The following GPR158 variants were observed in gnomAD, a reference collection of about 807,000 sequenced individuals.
GPR158 encodes the protein metabotropic glycine receptor.
In GPR158, 30 loss-of-function variants were observed where a neutral mutation model predicts 78.2. That is an observed-to-expected ratio of 0.38 (90% CI 0.29 to 0.52). GPR158 has a LOEUF of 0.52. Among genes scored for constraint, GPR158 ranks in the 20% least tolerant of loss-of-function variants. The pLI, the probability that GPR158 is intolerant of heterozygous loss-of-function variation, is 0.83. For synonymous variants in GPR158, 581 were observed against 591.1 expected (o/e 0.98, Z 0.25); for missense variants, 1,463 against 1,523.5 (o/e 0.96, Z 0.66).
chr10:25,527,536 G>A (rs1439801842), intron 5 of GPR158, among the ~76,000 whole-genome samples: 1 of 152,114 alleles, frequency 6.6e-6, no homozygotes, highest in African/African-American at 2.4e-5. Context: ...CAAATGGAAT[G>A]ATAGTGAAAA....
intron 1 of GPR158, among the ~76,000 whole-genome samples, chr10:25,200,863 G>GTT (rs1209435056): frequency 1.7e-4 from 14 of 84,488 alleles, no homozygotes; most frequent in South Asian, 9.1e-4. Context: ...TCTGTTTTTT[G>GTT]TTTTGTTTTT....
At chr10:25,553,982 G>A (rs1393159490) in intron 6 of GPR158, among the ~76,000 whole-genome samples, 1 of 152,046 alleles carries the variant, frequency 6.6e-6, no homozygotes, top group East Asian at 1.9e-4. Flanking sequence ...TTTTTTGGTT[G>A]CAAACAAAAT....
chr10:25,218,969 T>C (rs1309720941), intron 1 of GPR158, among the ~76,000 whole-genome samples: 1 of 152,190 alleles, frequency 6.6e-6, no homozygotes, highest in African/African-American at 2.4e-5. Context: ...TACTGATGCC[T>C]TTCAAAAACC....
Position 25,309,913 on chromosome 10 carries a change from T to C in GPR158, c.1009-85998T>C, listed in dbSNP as rs1854739270. On this transcript the variant is annotated intron_variant, in intron 2 of 10. Transcript: ENST00000376351. ...CTTCTTTTCTGTATAAATTACCCCA[T>C]CTTGAGTATGTCTTTATTCACAGTG... 2.0e-5 allele frequency among the ~76,000 whole-genome samples: 3 copies of C among 152,156 alleles called. No individual in the cohort carries two copies. In the South Asian group the frequency reaches 6.2e-4, roughly 32 times the overall value.
At chr10:25,446,065 G>A (rs1163144796) in intron 4 of GPR158, among the ~76,000 whole-genome samples, 1 of 152,098 alleles carries the variant, frequency 6.6e-6, no homozygotes, top group Non-Finnish European at 1.5e-5. Flanking sequence ...ATATGAAGAA[G>A]AGAGGCAGAC....
chr10:25,437,347 T>G (rs2130584298), intron 4 of GPR158, among the ~76,000 whole-genome samples: 1 of 152,120 alleles, frequency 6.6e-6, no homozygotes, highest in East Asian at 1.9e-4. Context: ...CACCCCAACC[T>G]CCTGAGTAGC....
intron 4 of GPR158, among the ~76,000 whole-genome samples, chr10:25,435,491 G>T (rs530210507): frequency 6.6e-6 from 1 of 152,238 alleles, no homozygotes; most frequent in East Asian, 1.9e-4. Flanking sequence ...GTCTATGAAG[G>T]CACCCAAGTG....
At chr10:25,268,826 A>G (rs1854077962) in intron 2 of GPR158, among the ~76,000 whole-genome samples, 1 of 152,186 alleles carries the variant, frequency 6.6e-6, no homozygotes, top group Non-Finnish European at 1.5e-5. Context: ...GCTATCCAGC[A>G]AATTCTTTTC....
intron 5 of GPR158, among the ~76,000 whole-genome samples, chr10:25,494,884 C>G (rs1835857120): frequency 1.3e-5 from 2 of 152,188 alleles, no homozygotes; most frequent in Admixed American, 1.3e-4. Flanking sequence ...TTTTATTTGT[C>G]ATTTATTCAT....
intron 6 of GPR158, among the ~76,000 whole-genome samples, chr10:25,571,992 A>G (rs1471938202): frequency 6.6e-6 from 1 of 152,194 alleles, no homozygotes; most frequent in Non-Finnish European, 1.5e-5. Flanking sequence ...GTAATATGAA[A>G]TGATTTTCAG....
rs1564399803 is a variant in GPR158 at position 25,241,377 on chromosome 10, T to TTCTCTTTTCTTTTC, written c.1008+20226_1008+20227insTTCTTTTCTCTCTT. The stretch of plus-strand genomic sequence containing the variant: ...TTTCTTTTCTCTTTTCTTTTCTCTC[T>TTCTCTTTTCTTTTC]TCTCTTCTCTTCTCTTCTCTTCTCT... On this transcript the variant is annotated intron_variant, in intron 2 of 10. Transcript: ENST00000376351. Among the ~76,000 whole-genome samples the TTCTCTTTTCTTTTC allele has an allele frequency of 4.3e-4, 42 of 97,060 alleles. 2 individuals carry two copies. The highest frequency in any genetic ancestry group is 1.9e-3 in the African/African-American group (40 of 21,500). 63.7% of individuals were successfully genotyped at this position (97,060 alleles called of 152,430 possible). A position where few individuals can be genotyped will look rare whatever the true frequency, so the allele number is the denominator to read the frequency against.
chr10:25,432,145 C>G (rs1309355624), intron 4 of GPR158, among the ~76,000 whole-genome samples: 6 of 152,094 alleles, frequency 3.9e-5, no homozygotes, highest in Non-Finnish European at 7.4e-5. Flanking sequence ...ACCAATCAAA[C>G]AAACCTCTTA....
chr10:25,333,889 T>A (rs1259136344), intron 2 of GPR158, among the ~76,000 whole-genome samples: 2 of 152,130 alleles, frequency 1.3e-5, no homozygotes, highest in African/African-American at 4.8e-5. Flanking sequence ...TTGGGTTTAA[T>A]TTCAAGTGTC....
At chr10:25,256,707 T>C (rs1853894046) in intron 2 of GPR158, among the ~76,000 whole-genome samples, 1 of 151,942 alleles carries the variant, frequency 6.6e-6, no homozygotes, top group African/African-American at 2.4e-5. Flanking sequence ...TAAAATAAAA[T>C]AAAATAAAAA....
intron 2 of GPR158, among the ~76,000 whole-genome samples, chr10:25,358,270 G>A (rs1214646314): frequency 6.6e-6 from 1 of 152,076 alleles, no homozygotes; most frequent in African/African-American, 2.4e-5. Flanking sequence ...GGACTTTGGA[G>A]TTAATGCTGA....
At chr10:25,535,150 T>C (rs984501164) in intron 5 of GPR158, among the ~76,000 whole-genome samples, 37 of 152,248 alleles carry the variant, frequency 2.4e-4, no homozygotes, top group African/African-American at 8.9e-4. Flanking sequence ...TTTCTGATGA[T>C]ATAAAAGTAG....
At chr10:25,186,184 G>A (rs1437193207) in intron 1 of GPR158, among the ~76,000 whole-genome samples, 3 of 152,270 alleles carry the variant, frequency 2.0e-5, no homozygotes, top group African/African-American at 7.2e-5. Flanking sequence ...TGAGAACAAA[G>A]ACACAACATA....
At position 25,518,370 on chromosome 10, in the gene GPR158, C is replaced by T. The variant is rs1287813744; in HGVS notation, c.1405-32606C>T. On this transcript the variant is annotated intron_variant, in intron 5 of 10. Coordinates refer to ENST00000376351, the MANE Select transcript of GPR158 (RefSeq NM_020752.3). ...TGAAGGGTTTTTTGTGTCTCTATTT[C>T]CTTCAGTTCTGCTCTGATTTTAGTT... 2.3e-5 allele frequency among the ~76,000 whole-genome samples: 2 copies of T among 87,982 alleles called. 1 individual carries two copies. Among genetic ancestry groups the T allele is most frequent in the Non-Finnish European group, 4.4e-5 (2 of 45,406 alleles). 57.7% of individuals were successfully genotyped at this position (87,982 alleles called of 152,430 possible).
chr10:25,354,557 T>G (rs1855521594), intron 2 of GPR158, among the ~76,000 whole-genome samples: 1 of 152,122 alleles, frequency 6.6e-6, no homozygotes, highest in Non-Finnish European at 1.5e-5. Context: ...TAGATTTGCC[T>G]TTTAGGCTTT....
Sources: allele counts gnomAD v4.1 joint callset (sites outside exome capture counted in the v4.1 genomes callset), GRCh38; gene constraint gnomAD v4.1.1; transcripts MANE v1.5; gene names NCBI Gene and HGNC (gene_info 2026-07-23, HGNC 2026-07-21).